The following ARHGAP8 variants were observed in gnomAD, a reference collection of about 807,000 sequenced individuals.
ARHGAP8 encodes rho GTPase-activating protein 8.
In ARHGAP8, 62 loss-of-function variants were observed where a neutral mutation model predicts 46.1. That is an observed-to-expected ratio of 1.34 (90% CI 1.10 to 1.66). The LOEUF (loss-of-function observed/expected upper bound fraction) is 1.66. Ranked by LOEUF, ARHGAP8 falls within the 40% of genes most tolerant of loss-of-function variation. The pLI, the probability that ARHGAP8 is intolerant of heterozygous loss-of-function variation, is 0.00. For missense variants in ARHGAP8, 923 were observed against 568.4 expected, an observed-to-expected ratio of 1.62 and a Z score of -6.34; for synonymous variants, 375 against 243.1, an observed-to-expected ratio of 1.54 and a Z score of -5.05.
chr22:44,791,590 G>A (rs1306101388), intron 2 of ARHGAP8, among the ~76,000 whole-genome samples: 6 of 152,114 alleles, frequency 3.9e-5, no homozygotes, highest in African/African-American at 4.8e-5. Flanking sequence ...TGTAATCCCC[G>A]CTACTTGGGA....
intron 1 of ARHGAP8, among the ~76,000 whole-genome samples, chr22:44,772,329 T>C (rs1343549615): frequency 7.3e-6 from 1 of 136,740 alleles, no homozygotes; most frequent in African/African-American, 2.7e-5. Context: ...ACTGATTGAC[T>C]TTTTTTTTGT....
chr22:44,859,943 C>G (rs1322993681), intron 11 of ARHGAP8, 109 bp downstream of exon 11: 2 of 1,314,588 alleles, frequency 1.5e-6, no homozygotes, highest in Non-Finnish European at 1.0e-6. Context: ...TCATGCCCTG[C>G]TTGGGCCTCG....
chr22:44,810,297 A>T (rs1602208698), intron 4 of ARHGAP8, among the ~76,000 whole-genome samples: 1 of 141,112 alleles, frequency 7.1e-6, no homozygotes, highest in Admixed American at 7.8e-5. Flanking sequence ...GCTGGAGCAC[A>T]GTGGCGAGAT....
intron 2 of ARHGAP8, among the ~76,000 whole-genome samples, chr22:44,792,328 T>C (rs1025482875): frequency 6.6e-6 from 1 of 152,094 alleles, no homozygotes; most frequent in Admixed American, 6.6e-5. Context: ...CTTTTTCAGT[T>C]GGGACAACCA....
rs759336392 is a variant in ARHGAP8, at chr22:44,862,510, A to G, written c.1217A>G (p.Glu406Gly). The change falls in exon 12 of 12, where the codon GAG becomes GGG. Residue 406 changes from glutamate (E) to glycine (G), a missense_variant. Coordinates refer to ENST00000356099, the MANE Select transcript of ARHGAP8 (RefSeq NM_181335.3). ...GGGAGCAGGGCAGCCCCTTTGCAGG[A>G]GGCTGTGCCACGGACACAAGCCACG... ...EQGSRAAPLQ[E>G]AVPRTQATGL... The G allele has an allele frequency of 1.9e-6, 3 of 1,612,980 alleles. No individual in the cohort carries two copies. Among genetic ancestry groups the G allele is most frequent in the Non-Finnish European group, 2.5e-6 (3 of 1,179,176 alleles).
At chr22:44,784,320 C>T (rs1927057549) in intron 1 of ARHGAP8, among the ~76,000 whole-genome samples, 1 of 152,110 alleles carries the variant, frequency 6.6e-6, no homozygotes. Flanking sequence ...AGGAGAATTG[C>T]TTGAATCCAG....
chr22:44,766,618 G>A (rs1027162930), intron 1 of ARHGAP8, among the ~76,000 whole-genome samples: 2 of 152,126 alleles, frequency 1.3e-5, no homozygotes, highest in African/African-American at 4.8e-5. Flanking sequence ...TGGAAAGTAC[G>A]CACATGATTC....
intron 2 of ARHGAP8, among the ~76,000 whole-genome samples, chr22:44,792,856 CTCTG>C (rs1435678362): frequency 6.7e-6 from 1 of 149,992 alleles, no homozygotes; most frequent in Non-Finnish European, 1.5e-5. Context: ...TGAAGTCTTA[CTCTG>C]TTGCTCAGGC....
At chr22:44,795,330 C>T (rs1928003889) in intron 2 of ARHGAP8, among the ~76,000 whole-genome samples, 1 of 152,188 alleles carries the variant, frequency 6.6e-6, no homozygotes, top group African/African-American at 2.4e-5. Context: ...CCCTGGGACC[C>T]TCTTACCCTC....
In ARHGAP8 at chr22:44,862,516, T is replaced by G. The variant is rs542548127; in HGVS notation, c.1223T>G (p.Val408Gly). Reference protein sequence around the residue: ...GSRAAPLQEAVPRTQATGLTK... With the variant: ...GSRAAPLQEAGPRTQATGLTK... The stretch of plus-strand genomic sequence containing the variant: ...AGGGCAGCCCCTTTGCAGGAGGCTG[T>G]GCCACGGACACAAGCCACGGGCCTC... The change falls in exon 12 of 12, where the codon GTG becomes GGG. Residue 408 changes from valine (V) to glycine (G), a missense_variant. Coordinates refer to ENST00000356099, the MANE Select transcript of ARHGAP8 (RefSeq NM_181335.3). 18 of 1,612,536 alleles carry G rather than the reference T, an allele frequency of 1.1e-5. No individual in the cohort carries two copies. The African/African-American group carries it at 1.5e-4, about 13-fold the overall frequency.
chr22:44,777,771 C>A (rs9614571), intron 1 of ARHGAP8, among the ~76,000 whole-genome samples: 2 of 152,128 alleles, frequency 1.3e-5, no homozygotes, highest in African/African-American at 4.8e-5. Flanking sequence ...TCTTGGCTCA[C>A]TGCAACCTCC....
intron 1 of ARHGAP8, among the ~76,000 whole-genome samples, chr22:44,763,216 G>A: frequency 6.6e-6 from 1 of 152,052 alleles, no homozygotes; most frequent in East Asian, 1.9e-4. Context: ...TAATTTTCAG[G>A]CTGGGTGTGG....
At position 44,859,823 on chromosome 22, in the gene ARHGAP8, T is replaced by TTCCTGCATGCGGTGAG. The variant is rs1555923486; in HGVS notation, c.972_981+6dup. 5.0e-6 allele frequency: 8 copies of TTCCTGCATGCGGTGAG among 1,613,804 alleles called. No individual in the cohort carries two copies. The African/African-American group carries it at 9.3e-5, about 19-fold the overall frequency. ...CGTCGTCCTCCGCTACCTCATGGGCTTCCTGCATGCGGTGAGTGGGGAAGG... is the reference window on the plus strand; with the variant it reads ...CGTCGTCCTCCGCTACCTCATGGGCTTCCTGCATGCGGTGAGTCCTGCATGCGGTGAGTGGGGAAGG... On this transcript the variant is annotated frameshift_variant, in exon 11 of 12. Coordinates refer to ENST00000356099, the MANE Select transcript of ARHGAP8 (RefSeq NM_181335.3). LOFTEE classifies it low-confidence loss of function (END_TRUNC).
chr22:44,828,602 A>G (rs1311918932), intron 7 of ARHGAP8, among the ~76,000 whole-genome samples: 1 of 149,962 alleles, frequency 6.7e-6, no homozygotes, highest in Non-Finnish European at 1.5e-5. Flanking sequence ...GGCGTGCGCC[A>G]CCACACCTGG....
intron 2 of ARHGAP8, among the ~76,000 whole-genome samples, chr22:44,794,259 C>T (rs1040781540): frequency 6.6e-6 from 1 of 152,186 alleles, no homozygotes; most frequent in African/African-American, 2.4e-5. Context: ...ATTGATTTAA[C>T]CCTTCCTGTA....
rs16992915 is a variant in ARHGAP8 at position 44,822,406 on chromosome 22, A to G, written c.422A>G (p.Tyr141Cys). 8.6e-3 allele frequency: 13,648 copies of G among 1,582,044 alleles called. 710 individuals carry two copies. In the African/African-American group the frequency reaches 0.14, roughly 16 times the overall value. The change falls in exon 6 of 12, where the codon TAC (tyrosine) becomes TGC (cysteine). Residue 141 changes from tyrosine (Y) to cysteine (C), a missense_variant. Coordinates refer to ENST00000356099, the MANE Select transcript of ARHGAP8 (RefSeq NM_181335.3). ...GGGAAGAAAGTCATCTATTTCAACT[A>G]CCTGAGTGAGCTCCACGAACACCTT... ...KFGKKVIYFN[Y>C]LSELHEHLKY...
chr22:44,852,598 T>C (rs1300900484), intron 10 of ARHGAP8, among the ~76,000 whole-genome samples: 1 of 152,152 alleles, frequency 6.6e-6, no homozygotes, highest in Admixed American at 6.5e-5. Context: ...GATTGTCTCA[T>C]GTTGCATGAA....
At chr22:44,757,933 G>T (rs1924816181) in intron 1 of ARHGAP8, among the ~76,000 whole-genome samples, 1 of 151,916 alleles carries the variant, frequency 6.6e-6, no homozygotes, top group Non-Finnish European at 1.5e-5. Context: ...GGGATTACAG[G>T]CATGACCCAC....
intron 7 of ARHGAP8, among the ~76,000 whole-genome samples, chr22:44,842,446 C>T (rs921004206): frequency 1.3e-5 from 2 of 152,208 alleles, no homozygotes; most frequent in African/African-American, 2.4e-5. Context: ...GACATAGATT[C>T]ACTGGATCAA....
Sources: allele counts gnomAD v4.1 joint callset (sites outside exome capture counted in the v4.1 genomes callset), GRCh38; gene constraint gnomAD v4.1.1; transcripts MANE v1.5; gene names NCBI Gene and HGNC (gene_info 2026-07-23, HGNC 2026-07-21).